The following PIK3AP1 variants were observed in gnomAD, a reference collection of about 807,000 sequenced individuals.
PIK3AP1 encodes the protein phosphoinositide-3-kinase adaptor protein 1, also known as phosphoinositide 3-kinase adapter protein 1.
PIK3AP1 carries 21 observed loss-of-function variants against 88.1 expected under a neutral mutation model. The observed-to-expected ratio is 0.24, with a 90% CI of 0.17 to 0.34. The LOEUF is 0.34. Ranked by LOEUF, PIK3AP1 falls within the 10% of genes least tolerant of loss-of-function variation. PIK3AP1 has a pLI of 1.00. For synonymous variants in PIK3AP1, 398 were observed against 400.0 expected (o/e 1.00, Z 0.06); for missense variants, 828 against 1,035.7 (o/e 0.80, Z 2.75).
At position 96,602,389 on chromosome 10, in the gene PIK3AP1, C is replaced by T. The variant is rs147376017; in HGVS notation, c.2251G>A (p.Val751Ile). The T allele has an allele frequency of 6.2e-7, 1 of 1,610,834 alleles. No homozygotes were observed. The highest frequency in any genetic ancestry group is 8.5e-7 in the Non-Finnish European group (1 of 1,177,320). The change falls in exon 16 of 17, where the codon GTC becomes ATC. Residue 751 changes from valine to isoleucine, a missense_variant. Coordinates refer to ENST00000339364, the MANE Select transcript of PIK3AP1 (RefSeq NM_152309.3). Reference protein sequence around the residue: ...GMEGDNEDNEVPEVTRSRSPG... With the variant: ...GMEGDNEDNEIPEVTRSRSPG... ...CTGCGACTTCTGGTAACCTCAGGGACTTCATTATCCTACAGCAAAGAAGAT... is the reference window on the plus strand; with the variant it reads ...CTGCGACTTCTGGTAACCTCAGGGATTTCATTATCCTACAGCAAAGAAGAT...
At chr10:96,677,834 TC>T (rs762981310) in intron 2 of PIK3AP1, among the ~76,000 whole-genome samples, 132 of 152,300 alleles carry the variant, frequency 8.7e-4, no homozygotes, top group Middle Eastern at 3.4e-3. Context: ...GAAGAATCTG[TC>T]CCAGGGGTTC....
At chr10:96,655,927 C>CT (rs1198009250) in intron 3 of PIK3AP1, among the ~76,000 whole-genome samples, 4 of 152,206 alleles carry the variant, frequency 2.6e-5, no homozygotes, top group Non-Finnish European at 1.5e-5. Context: ...AATACAATGA[C>CT]TATCAGTTAA....
intron 1 of PIK3AP1, among the ~76,000 whole-genome samples, chr10:96,714,505 A>G (rs1844477911): frequency 6.6e-6 from 1 of 152,240 alleles, no homozygotes; most frequent in Non-Finnish European, 1.5e-5. Flanking sequence ...TATAGTTTAG[A>G]AAATACAGTT....
chr10:96,650,493 T>C (rs1283724599), intron 6 of PIK3AP1, among the ~76,000 whole-genome samples: 1 of 152,144 alleles, frequency 6.6e-6, no homozygotes, highest in Non-Finnish European at 1.5e-5. Context: ...ACTACTTGTT[T>C]AGAGCCTACA....
intron 2 of PIK3AP1, among the ~76,000 whole-genome samples, chr10:96,688,859 T>C (rs1844112038): frequency 6.6e-6 from 1 of 151,900 alleles, no homozygotes; most frequent in Non-Finnish European, 1.5e-5. Flanking sequence ...ATAAAGTGGC[T>C]AGATCTGGCT....
intron 13 of PIK3AP1, among the ~76,000 whole-genome samples, chr10:96,612,972 A>T (rs1849144735): frequency 9.7e-6 from 1 of 103,182 alleles, no homozygotes; most frequent in Non-Finnish European, 1.8e-5. Flanking sequence ...ATATATATAT[A>T]TATATATATA....
chr10:96,716,847 C>G (rs1306199877), intron 1 of PIK3AP1, among the ~76,000 whole-genome samples: 1 of 152,028 alleles, frequency 6.6e-6, no homozygotes, highest in Admixed American at 6.6e-5. Context: ...ACGTCAAGAA[C>G]AGGTTTGGCT....
At chr10:96,665,461 T>C (rs1183769957) in intron 2 of PIK3AP1, among the ~76,000 whole-genome samples, 1 of 152,210 alleles carries the variant, frequency 6.6e-6, no homozygotes, top group Non-Finnish European at 1.5e-5. Flanking sequence ...ATTTCTCTTT[T>C]TTATATTGTG....
intron 1 of PIK3AP1, among the ~76,000 whole-genome samples, chr10:96,710,581 C>T (rs758317226): frequency 6.6e-6 from 1 of 152,092 alleles, no homozygotes; most frequent in Admixed American, 6.5e-5. Context: ...ACCTTCCCCC[C>T]ACACCTGAAG....
At chr10:96,650,141 A>T (rs1300410530) in intron 6 of PIK3AP1, among the ~76,000 whole-genome samples, 2 of 152,230 alleles carry the variant, frequency 1.3e-5, no homozygotes, top group Non-Finnish European at 2.9e-5. Context: ...AATAGAGAAT[A>T]GTCACATCTA....
chr10:96,652,939 C>A (rs1794514995), intron 3 of PIK3AP1, 97 bp from the exon 4 acceptor site: 7 of 1,380,806 alleles, frequency 5.1e-6, no homozygotes, highest in South Asian at 2.7e-5. Flanking sequence ...CTAGCTCTAC[C>A]TAGTGAGAAT....
intron 2 of PIK3AP1, among the ~76,000 whole-genome samples, chr10:96,700,232 C>T (rs945636971): frequency 6.6e-6 from 1 of 152,120 alleles, no homozygotes; most frequent in Non-Finnish European, 1.5e-5. Context: ...TCTGGGTGGC[C>T]GCCGAAGCGG....
intron 8 of PIK3AP1, among the ~76,000 whole-genome samples, chr10:96,629,930 A>AG (rs1554955593): frequency 3.6e-4 from 5 of 13,724 alleles, no homozygotes; most frequent in South Asian, 4.4e-3. Flanking sequence ...AAAAAAAAAA[A>AG]AAGAAGAAGA....
At chr10:96,598,320 G>T (rs1407694112) in intron 16 of PIK3AP1, among the ~76,000 whole-genome samples, 1 of 152,036 alleles carries the variant, frequency 6.6e-6, no homozygotes, top group Admixed American at 6.6e-5. Flanking sequence ...GCCTCCTAAA[G>T]TGCTGGGATT....
At chr10:96,649,486 A>G (rs141313129) in intron 6 of PIK3AP1, among the ~76,000 whole-genome samples, 345 of 152,376 alleles carry the variant, frequency 2.3e-3, no homozygotes, top group Non-Finnish European at 3.7e-3. Flanking sequence ...ACAGTACAAT[A>G]GGAATCATGT....
At chr10:96,662,475 C>T (rs1335976243) in intron 2 of PIK3AP1, among the ~76,000 whole-genome samples, 6 of 151,656 alleles carry the variant, frequency 4.0e-5, no homozygotes, top group African/African-American at 4.8e-5. Context: ...TGGTGGTGGG[C>T]GCCTGTATTC....
intron 6 of PIK3AP1, among the ~76,000 whole-genome samples, chr10:96,650,635 G>A (rs1230670710): frequency 6.6e-6 from 1 of 152,176 alleles, no homozygotes; most frequent in Non-Finnish European, 1.5e-5. Context: ...CAAAGCAGGT[G>A]AATGGAACCT....
At chr10:96,665,350 G>A (rs1843746375) in intron 2 of PIK3AP1, among the ~76,000 whole-genome samples, 2 of 152,156 alleles carry the variant, frequency 1.3e-5, no homozygotes, top group Non-Finnish European at 2.9e-5. Flanking sequence ...CAGATAAAAG[G>A]AACGAGCGAA....
At chr10:96,710,389 T>G (rs1266382843) in intron 1 of PIK3AP1, among the ~76,000 whole-genome samples, 1 of 152,022 alleles carries the variant, frequency 6.6e-6, no homozygotes, top group African/African-American at 2.4e-5. Context: ...GCCAAGCTAA[T>G]TTTTGTAGTT....
Sources: gnomAD v4.1 joint callset for allele counts (sites outside exome capture counted in the v4.1 genomes callset) on GRCh38, gnomAD v4.1.1 for gene constraint, MANE v1.5 for transcripts, NCBI Gene and HGNC (gene_info 2026-07-23, HGNC 2026-07-21) for gene names.